Variants in ATP2C1 observed in about 807,000 individuals in gnomAD.
ATP2C1 encodes the protein ATPase secretory pathway Ca2+ transporting 1.
Under a neutral mutation model 120.5 loss-of-function variants are expected in ATP2C1, and 31 were observed. The observed-to-expected ratio is 0.26, with a 90% CI of 0.19 to 0.35. The LOEUF is 0.35. ATP2C1 is among the 10% of genes least tolerant of loss of function. The pLI, the probability that ATP2C1 is intolerant of heterozygous loss-of-function variation, is 1.00. For synonymous variants in ATP2C1, 351 were observed against 358.7 expected (o/e 0.98, Z 0.24); for missense variants, 731 against 1,107.5 (o/e 0.66, Z 4.83).
At chr3:130,957,643 G>A (rs949841675) in intron 11 of ATP2C1, among the ~76,000 whole-genome samples, 1 of 152,048 alleles carries the variant, frequency 6.6e-6, no homozygotes, top group African/African-American at 2.4e-5. Flanking sequence ...ACCTCCTGGG[G>A]TTCAAGTGAT....
At chr3:131,013,098 C>T (rs2063397049) in intron 26 of ATP2C1, among the ~76,000 whole-genome samples, 1 of 152,078 alleles carries the variant, frequency 6.6e-6, no homozygotes, top group African/African-American at 2.4e-5. Context: ...CAGATCTTGC[C>T]CAATGCATTT....
chr3:130,954,015 G>A lies in ATP2C1; in HGVS notation c.687+39G>A, dbSNP rs1428127421. On this transcript the variant is annotated intron_variant, in intron 9 of 27. Coordinates refer to ENST00000510168, the MANE Select transcript of ATP2C1 (RefSeq NM_001378687.1). ...CTGATTTGAAAAAAGCAGTTCCTTT[G>A]TTTGAAACTATTTTCTCAATTATTT... 2.5e-6 allele frequency: 4 copies of A among 1,605,992 alleles called. No individual in the cohort carries two copies. In the East Asian group the frequency reaches 8.9e-5, roughly 36 times the overall value.
At chr3:131,016,230 G>T in exon 27 of ATP2C1, 2 of 1,614,168 alleles carry the variant, frequency 1.2e-6, no homozygotes, top group Non-Finnish European at 8.5e-7. Context: ...ACTGACAGAA[G>T]ATGTGAGCTG....
At chr3:130,880,349 C>T (rs2068742139) in intron 1 of ATP2C1, among the ~76,000 whole-genome samples, 1 of 152,170 alleles carries the variant, frequency 6.6e-6, no homozygotes, top group Non-Finnish European at 1.5e-5. Context: ...TTCACCTCAG[C>T]TTACCTGTTC....
intron 8 of ATP2C1, among the ~76,000 whole-genome samples, chr3:130,948,828 C>T (rs762428714): frequency 5.9e-5 from 9 of 152,106 alleles, no homozygotes; most frequent in East Asian, 1.9e-4. Context: ...CACAGTATTT[C>T]GAACTTTTTC....
chr3:130,867,578 T>C (rs2669866), intron 1 of ATP2C1, among the ~76,000 whole-genome samples: 24,428 of 148,734 alleles, frequency 0.16, 2,164 homozygotes, highest in Middle Eastern at 0.24. Flanking sequence ...AGACGGAGTC[T>C]CATTCACTCA....
chr3:131,012,548 A>G (rs184411998), intron 26 of ATP2C1, among the ~76,000 whole-genome samples: 1 of 152,092 alleles, frequency 6.6e-6, no homozygotes, highest in Admixed American at 6.5e-5. Context: ...GTGAGCCACT[A>G]CATCCAGCAC....
At chr3:130,883,145 C>T (rs1308754422) in intron 1 of ATP2C1, among the ~76,000 whole-genome samples, 1 of 152,270 alleles carries the variant, frequency 6.6e-6, no homozygotes, top group East Asian at 1.9e-4. Flanking sequence ...GTTGATGATA[C>T]TAGCCACTAA....
upstream of ATP2C1, among the ~76,000 whole-genome samples, chr3:130,892,960 G>A (rs984404053): frequency 2.6e-5 from 4 of 152,166 alleles, no homozygotes; most frequent in African/African-American, 9.7e-5. Flanking sequence ...GAGATAAAAA[G>A]CAAATTTGTA....
chr3:130,872,619 C>G (rs2068471199), intron 1 of ATP2C1, among the ~76,000 whole-genome samples: 2 of 150,946 alleles, frequency 1.3e-5, no homozygotes, highest in Admixed American at 1.3e-4. Flanking sequence ...GGGTCTTACT[C>G]TGTCACCCAA....
intron 18 of ATP2C1, among the ~76,000 whole-genome samples, chr3:130,976,358 A>G (rs1428589295): frequency 6.6e-6 from 1 of 152,152 alleles, no homozygotes; most frequent in Non-Finnish European, 1.5e-5. Context: ...CATTGCTCCC[A>G]GCCTGCTGCC....
upstream of ATP2C1, chr3:130,893,840 C>T (rs927915118): frequency 7.6e-6 from 6 of 792,838 alleles, no homozygotes; most frequent in Non-Finnish European, 9.2e-6. Context: ...CAAGGCGGGC[C>T]ACCAACCCCG....
chr3:131,003,080 T>C lies in ATP2C1; in HGVS notation c.*1730T>C, dbSNP rs2062967504. On this transcript the variant is annotated 3_prime_UTR_variant, in exon 28 of 28. Coordinates refer to ENST00000510168, the MANE Select transcript of ATP2C1 (RefSeq NM_001378687.1). ...TGCATTTTAGGTTCAGATTATGACTTGATTGAAATAAATGTGCCTATACAT... is the reference window on the plus strand; with the variant it reads ...TGCATTTTAGGTTCAGATTATGACTCGATTGAAATAAATGTGCCTATACAT... 1 of 985,352 alleles carries C rather than the reference T, an allele frequency of 1.0e-6. No homozygotes were observed. The highest frequency in any genetic ancestry group is 6.1e-5 in the Admixed American group (1 of 16,264). 61.0% of individuals were successfully genotyped at this position (985,352 alleles called of 1,614,324 possible).
intron 2 of ATP2C1, chr3:130,918,586 T>TG: frequency 1.4e-6 from 1 of 719,126 alleles, no homozygotes; most frequent in Middle Eastern, 2.4e-4. Flanking sequence ...GGCCATAAAC[T>TG]GTAGCCTTTT....
Position 131,014,353 on chromosome 3 carries a change from G to T in ATP2C1, c.2630-1799G>T. 1 of 1,608,904 alleles carries T rather than the reference G, an allele frequency of 6.2e-7. No individual in the cohort carries two copies. The highest frequency in any genetic ancestry group is 1.1e-5 in the South Asian group (1 of 89,972). On this transcript the variant is annotated intron_variant, in intron 26 of 26. Coordinates refer to the ATP2C1 transcript ENST00000328560. ...ACAGAGGTCGATGCTAGCAGTTGCT[G>T]GCATAGTCCGTGCACCAGGCTTCCA...
chr3:130,991,028 C>G (rs573427799), intron 20 of ATP2C1, among the ~76,000 whole-genome samples: 2 of 152,204 alleles, frequency 1.3e-5, no homozygotes, highest in East Asian at 3.9e-4. Context: ...CAAAAAAATG[C>G]ATGTAAGTAA....
At position 130,930,515 on chromosome 3, in the gene ATP2C1, A is replaced by G. The variant is rs1289509798; in HGVS notation, c.106A>G (p.Ser36Gly). 1 of 1,605,572 alleles carries G rather than the reference A, an allele frequency of 6.2e-7. No homozygotes were observed. The highest frequency in any genetic ancestry group is 8.5e-7 in the Non-Finnish European group (1 of 1,172,286). The change falls in exon 3 of 28, where the codon AGC becomes GGC. Residue 36 changes from serine (S) to glycine (G), a missense_variant. This residue lies in a region of ATP2C1 where 571 missense variants were observed against 845.9 expected (regional missense o/e 0.67). Transcript: ENST00000510168. ...ASELPVSEVA[S>G]ILQADLQNGL... ...TGAATTACCAGTCAGTGAAGTTGCA[A>G]GCATTCTCCAAGTAAGTGGTTAGTG...
At chr3:130,915,444 G>C (rs2058644630) in intron 2 of ATP2C1, among the ~76,000 whole-genome samples, 1 of 152,062 alleles carries the variant, frequency 6.6e-6, no homozygotes, top group Non-Finnish European at 1.5e-5. Flanking sequence ...GGGATATAGT[G>C]TTAGTTGAAA....
At chr3:130,863,562 A>G (rs2068080540) in intron 1 of ATP2C1, among the ~76,000 whole-genome samples, 1 of 152,160 alleles carries the variant, frequency 6.6e-6, no homozygotes, top group Admixed American at 6.5e-5. Context: ...GCTTTTGCAA[A>G]CTCATGTGTT....
Sources: allele counts gnomAD v4.1 joint callset (sites outside exome capture counted in the v4.1 genomes callset), GRCh38; gene constraint gnomAD v4.1.1; regional missense constraint gnomAD v4.1.1; transcripts MANE v1.5; gene names NCBI Gene and HGNC (gene_info 2026-07-23, HGNC 2026-07-21).